Variants in BMP2K observed in about 807,000 individuals in gnomAD.
BMP2K encodes the protein BMP2 inducible kinase.
In BMP2K, 74 loss-of-function variants were observed where a neutral mutation model predicts 116.0. The observed-to-expected ratio is 0.64, with a 90% confidence interval of 0.53 to 0.77. The LOEUF (loss-of-function observed/expected upper bound fraction) is 0.77. Ranked by LOEUF, BMP2K falls within the 30% of genes least tolerant of loss-of-function variation. BMP2K has a pLI of 0.00. For missense variants in BMP2K, 1,365 were observed against 1,403.6 expected (o/e 0.97, Z 0.44); for synonymous variants, 486 against 502.5 (o/e 0.97, Z 0.44).
intron 9 of BMP2K, among the ~76,000 whole-genome samples, chr4:78,861,704 C>T (rs1203579267): frequency 6.7e-6 from 1 of 148,912 alleles, no homozygotes; most frequent in South Asian, 2.1e-4. Flanking sequence ...GATTATTTAA[C>T]TGATGATGTG....
At chr4:78,871,772 T>C in intron 11 of BMP2K, 78 bp from the exon 12 acceptor site, 1 of 854,416 alleles carries the variant, frequency 1.2e-6, no homozygotes, top group Non-Finnish European at 1.9e-6. Flanking sequence ...CAAATCATTA[T>C]GGTAAGATCA....
At chr4:78,791,618 C>G (rs528857555) in intron 1 of BMP2K, among the ~76,000 whole-genome samples, 8 of 152,142 alleles carry the variant, frequency 5.3e-5, no homozygotes, top group African/African-American at 1.7e-4. Flanking sequence ...TCCCCTATTC[C>G]TTTAGACCCT....
chr4:78,909,231 T>C lies in BMP2K; in HGVS notation c.2063-1379T>C, dbSNP rs540215189. Among the ~76,000 whole-genome samples, 8 of 152,002 alleles carry C rather than the reference T, an allele frequency of 5.3e-5. No homozygotes were observed. The East Asian group carries it at 7.7e-4, about 15-fold the overall frequency. On this transcript the variant is annotated intron_variant, in intron 15 of 15. Coordinates refer to ENST00000502613, the MANE Select transcript of BMP2K (RefSeq NM_198892.2). ...TTTTCTATTTTTAGTAGAGATGGGG[T>C]TTCACCATGTTGGCCAGGCTGGTCT...
chr4:78,853,411 T>G (rs1204237106), intron 7 of BMP2K, among the ~76,000 whole-genome samples: 2 of 152,194 alleles, frequency 1.3e-5, no homozygotes, highest in African/African-American at 4.8e-5. Context: ...TTTTCTTAGC[T>G]TTTGTTAACT....
intron 1 of BMP2K, among the ~76,000 whole-genome samples, chr4:78,816,023 T>C (rs1578491100): frequency 6.6e-6 from 1 of 152,196 alleles, no homozygotes; most frequent in South Asian, 2.1e-4. Flanking sequence ...ACGTATTGCA[T>C]AGAATGACCC....
At chr4:78,816,858 T>G (rs1242893666) in intron 1 of BMP2K, among the ~76,000 whole-genome samples, 1 of 152,238 alleles carries the variant, frequency 6.6e-6, no homozygotes, top group Non-Finnish European at 1.5e-5. Context: ...CCTTCTCAAG[T>G]TGCTTAATGC....
Position 78,861,474 on chromosome 4 carries a change from C to T in BMP2K, c.1067+6C>T, listed in dbSNP as rs776456250. 4 of 1,596,282 alleles carry T rather than the reference C, an allele frequency of 2.5e-6. No individual in the cohort carries two copies. Among genetic ancestry groups the T allele is most frequent in the Non-Finnish European group, 3.4e-6 (4 of 1,167,146 alleles). On this transcript the variant is annotated splice_donor_region_variant and intron_variant, in intron 9 of 15. Coordinates refer to ENST00000502613, the MANE Select transcript of BMP2K (RefSeq NM_198892.2). Reference sequence around the variant, plus strand: ...AAAAGCCAAATAAAAGCCAGGTAGGCAAAACTATGCTGAAATTGAAAAGGC... The same window carrying T: ...AAAAGCCAAATAAAAGCCAGGTAGGTAAAACTATGCTGAAATTGAAAAGGC...
At chr4:78,801,868 T>C (rs751727135) in intron 1 of BMP2K, among the ~76,000 whole-genome samples, 3 of 152,202 alleles carry the variant, frequency 2.0e-5, no homozygotes, top group Non-Finnish European at 2.9e-5. Context: ...TCGTCACTTT[T>C]TAAAAAATCT....
At chr4:78,855,033 G>A (rs1190453652) in intron 7 of BMP2K, among the ~76,000 whole-genome samples, 2 of 152,096 alleles carry the variant, frequency 1.3e-5, no homozygotes, top group Admixed American at 1.3e-4. Context: ...TAGAGAGAGG[G>A]CTCTGATCAG....
At chr4:78,903,996 C>T (rs12644502) in intron 15 of BMP2K, among the ~76,000 whole-genome samples, 10,520 of 151,788 alleles carry the variant, frequency 0.069, 507 homozygotes, top group East Asian at 0.22. Flanking sequence ...AGATTTCTTA[C>T]GTATAAAAAG....
intron 15 of BMP2K, among the ~76,000 whole-genome samples, chr4:78,894,924 A>G (rs1395211762): frequency 6.6e-6 from 1 of 152,106 alleles, no homozygotes; most frequent in Non-Finnish European, 1.5e-5. Context: ...GAATAGGGAG[A>G]CCTAAGGAAA....
intron 15 of BMP2K, among the ~76,000 whole-genome samples, chr4:78,889,170 G>A (rs182327125): frequency 3.5e-5 from 5 of 143,326 alleles, no homozygotes; most frequent in Admixed American, 1.5e-4. Flanking sequence ...GCAGTGAGCC[G>A]AGATCGTGCC....
intron 5 of BMP2K, among the ~76,000 whole-genome samples, chr4:78,846,320 C>A (rs1451778354): frequency 6.6e-6 from 1 of 151,536 alleles, no homozygotes; most frequent in Admixed American, 6.6e-5. Flanking sequence ...TTTTGGTGAA[C>A]TTTATATTTC....
intron 1 of BMP2K, among the ~76,000 whole-genome samples, chr4:78,824,655 G>A (rs1375914333): frequency 6.6e-6 from 1 of 152,076 alleles, no homozygotes; most frequent in Non-Finnish European, 1.5e-5. Flanking sequence ...ATTCCTAATA[G>A]TTTTTTTCCT....
At chr4:78,852,508 A>G (rs1196725049) in intron 7 of BMP2K, among the ~76,000 whole-genome samples, 1 of 152,186 alleles carries the variant, frequency 6.6e-6, no homozygotes, top group Non-Finnish European at 1.5e-5. Flanking sequence ...ATTGAGTAGT[A>G]AAAGCTTAAT....
rs1271303355 is a variant in BMP2K at position 78,912,858 on chromosome 4, A to G, written c.*825A>G. On this transcript the variant is annotated 3_prime_UTR_variant, in exon 16 of 16. Transcript: ENST00000502613. ...TTGTAAAGAAATTATAAGAAGAAAA[A>G]AAGATACAGAACAGAAAACATTCAC... 6.6e-6 allele frequency: 1 copy of G among 152,192 alleles called. No individual in the cohort carries two copies. The highest frequency in any genetic ancestry group is 1.5e-5 in the Non-Finnish European group (1 of 68,038). 9.4% of individuals were successfully genotyped at this position (152,192 alleles called of 1,614,324 possible).
chr4:78,802,717 A>C (rs554395839), intron 1 of BMP2K, among the ~76,000 whole-genome samples: 1 of 152,262 alleles, frequency 6.6e-6, no homozygotes, highest in Non-Finnish European at 1.5e-5. Context: ...GATGTCATTT[A>C]TCAACTTTTT....
intron 1 of BMP2K, among the ~76,000 whole-genome samples, chr4:78,808,718 A>G (rs1053029787): frequency 3.9e-5 from 6 of 152,108 alleles, no homozygotes; most frequent in Non-Finnish European, 7.4e-5. Context: ...TCTTTGATGC[A>G]TTGGTTATTT....
At chr4:78,835,627 C>CAAA (rs561192085) in intron 3 of BMP2K, among the ~76,000 whole-genome samples, 6 of 69,474 alleles carry the variant, frequency 8.6e-5, no homozygotes, top group Admixed American at 3.6e-4. Context: ...GACTCCGTGT[C>CAAA]AAAAAAAAAA....
Sources: allele counts gnomAD v4.1 joint callset (sites outside exome capture counted in the v4.1 genomes callset), GRCh38; gene constraint gnomAD v4.1.1; transcripts MANE v1.5; gene names NCBI Gene and HGNC (gene_info 2026-07-23, HGNC 2026-07-21).